AOPEP: variants seen among roughly 807,000 people sequenced by gnomAD.
AOPEP encodes aminopeptidase O.
In AOPEP, 77 loss-of-function variants were observed where a neutral mutation model predicts 98.1. The ratio of observed to expected loss-of-function variants is 0.78; its 90% CI spans 0.65 to 0.95. The LOEUF is 0.95. AOPEP is among the 40% of genes least tolerant of loss of function. AOPEP has a pLI of 0.00. For synonymous variants in AOPEP, 346 were observed against 365.3 expected, an observed-to-expected ratio of 0.95 and a Z score of 0.60; for missense variants, 1,024 against 1,024.7, an observed-to-expected ratio of 1.00 and a Z score of 0.01.
chr9:95,015,671 A>G (rs2062917175), intron 13 of AOPEP, among the ~76,000 whole-genome samples: 1 of 152,212 alleles, frequency 6.6e-6, no homozygotes, highest in African/African-American at 2.4e-5. Flanking sequence ...GTATCGGAAC[A>G]GTTTGGATCT....
chr9:95,049,390 A>G (rs2066139956), intron 13 of AOPEP, among the ~76,000 whole-genome samples: 1 of 152,216 alleles, frequency 6.6e-6, no homozygotes, highest in African/African-American at 2.4e-5. Context: ...TATAAGAAAA[A>G]CAATTAAAAG....
the AOPEP span, among the ~76,000 whole-genome samples, chr9:95,139,031 CT>C: frequency 2.6e-5 from 4 of 152,168 alleles, no homozygotes; most frequent in Non-Finnish European, 4.4e-5. Flanking sequence ...GTAATCACCC[CT>C]GAATGAAGGA....
chr9:95,011,858 A>G (rs1248646240), intron 13 of AOPEP, among the ~76,000 whole-genome samples: 2 of 152,186 alleles, frequency 1.3e-5, no homozygotes, highest in Admixed American at 6.5e-5. Context: ...AAGTTCCAAG[A>G]TTTCTGTGTA....
At chr9:95,139,816 A>G in the AOPEP span, among the ~76,000 whole-genome samples, 1 of 147,564 alleles carries the variant, frequency 6.8e-6, no homozygotes, top group Non-Finnish European at 1.5e-5. Flanking sequence ...TGACCTGACA[A>G]AATGAATATA....
chr9:94,837,884 C>T (rs949577723), intron 5 of AOPEP, among the ~76,000 whole-genome samples: 1 of 152,198 alleles, frequency 6.6e-6, no homozygotes, highest in Admixed American at 6.5e-5. Context: ...CACTTCTATT[C>T]AGCATAGTAC....
intron 5 of AOPEP, among the ~76,000 whole-genome samples, chr9:94,823,285 C>T (rs1398890534): frequency 6.6e-6 from 1 of 152,128 alleles, no homozygotes; most frequent in Non-Finnish European, 1.5e-5. Flanking sequence ...CGTGAGCCAC[C>T]GTGCCTGGCT....
chr9:94,730,658 C>T (rs1423073291), intron 1 of AOPEP, among the ~76,000 whole-genome samples: 1 of 152,084 alleles, frequency 6.6e-6, no homozygotes, highest in Non-Finnish European at 1.5e-5. Flanking sequence ...ACTTTTTCTA[C>T]AAGTAAAAAT....
chr9:94,734,562 C>T (rs552105980), intron 1 of AOPEP, among the ~76,000 whole-genome samples: 8 of 152,202 alleles, frequency 5.3e-5, no homozygotes, highest in Non-Finnish European at 1.2e-4. Context: ...CAGATGCAGC[C>T]ATTTTTAGCA....
intron 11 of AOPEP, among the ~76,000 whole-genome samples, chr9:94,998,727 T>G (rs1018157211): frequency 6.6e-6 from 1 of 152,234 alleles, no homozygotes; most frequent in South Asian, 2.1e-4. Flanking sequence ...GTCTTACTCA[T>G]CTTTGCATTC....
At chr9:95,062,008 C>T (rs1357421667) in intron 14 of AOPEP, among the ~76,000 whole-genome samples, 1 of 152,168 alleles carries the variant, frequency 6.6e-6, no homozygotes, top group Non-Finnish European at 1.5e-5. Flanking sequence ...ACCTCCAGGA[C>T]CCTGTGATGG....
chr9:94,883,038 G>A (rs1433425357), intron 5 of AOPEP, among the ~76,000 whole-genome samples: 1 of 152,204 alleles, frequency 6.6e-6, no homozygotes, highest in Non-Finnish European at 1.5e-5. Flanking sequence ...ACCCAGTGCA[G>A]TATAAATACT....
At chr9:95,005,344 G>C in intron 12 of AOPEP, 124 bp downstream of exon 12, 1 of 727,936 alleles carries the variant, frequency 1.4e-6, no homozygotes, top group Non-Finnish European at 1.9e-6. Context: ...CTCCGGCTCG[G>C]GCGCGGGGAG....
chr9:95,002,102 T>C (rs983504246), intron 11 of AOPEP, among the ~76,000 whole-genome samples: 2 of 152,168 alleles, frequency 1.3e-5, no homozygotes, highest in African/African-American at 2.4e-5. Flanking sequence ...ACCCTGGCAA[T>C]ATAACTAATA....
chr9:95,099,141 C>T, the AOPEP span: 5 of 214,162 alleles, frequency 2.3e-5, no homozygotes, highest in East Asian at 1.4e-4. Flanking sequence ...ACAGATGTCA[C>T]GGAGTCCAGG....
chr9:95,124,835 A>T, the AOPEP span, among the ~76,000 whole-genome samples: 1 of 152,218 alleles, frequency 6.6e-6, no homozygotes, highest in East Asian at 1.9e-4. Context: ...AGGGCCATGC[A>T]TGCTGGCATG....
chr9:94,763,070 T>C (rs1175529951), intron 2 of AOPEP: 1 of 433,894 alleles, frequency 2.3e-6, no homozygotes, highest in South Asian at 1.8e-5. Context: ...TATTATCAGT[T>C]ATACCCGCTC....
At chr9:95,013,642 C>G (rs1364692061) in intron 13 of AOPEP, among the ~76,000 whole-genome samples, 1 of 152,130 alleles carries the variant, frequency 6.6e-6, no homozygotes, top group Non-Finnish European at 1.5e-5. Flanking sequence ...TCAGTCAATT[C>G]TGAAGCTTGT....
At chr9:94,825,394 G>A (rs2134296457) in intron 5 of AOPEP, among the ~76,000 whole-genome samples, 1 of 152,342 alleles carries the variant, frequency 6.6e-6, no homozygotes, top group East Asian at 1.9e-4. Flanking sequence ...CAGGGAGATA[G>A]CCAGTCCCGG....
Position 94,979,350 on chromosome 9 carries a change from T to A in AOPEP, c.1917-17T>A, listed in dbSNP as rs2060038083. 1.3e-6 allele frequency: 2 copies of A among 1,573,998 alleles called. No individual in the cohort carries two copies. On this transcript the variant is annotated splice_polypyrimidine_tract_variant and intron_variant, in intron 10 of 16. Transcript: ENST00000375315. ...TAACTTTTTAATCCTTTACTTTTTG[T>A]TGTTTTATTTCTAAAGGCTTGAGCT...
Sources: gnomAD v4.1 joint callset for allele counts (sites outside exome capture counted in the v4.1 genomes callset) on GRCh38, gnomAD v4.1.1 for gene constraint, MANE v1.5 for transcripts, NCBI Gene and HGNC (gene_info 2026-07-23, HGNC 2026-07-21) for gene names.